The following MCU variants were observed in gnomAD, a reference collection of about 807,000 sequenced individuals.
MCU encodes the protein mitochondrial calcium uniporter, also known as calcium uniporter protein, mitochondrial.
In MCU, 12 loss-of-function variants were observed where a neutral mutation model predicts 45.2. The ratio of observed to expected loss-of-function variants is 0.27; its 90% CI spans 0.17 to 0.43. The LOEUF is 0.43. Ranked by LOEUF, MCU falls within the 20% of genes least tolerant of loss-of-function variation. The pLI is 1.00. For synonymous variants in MCU, 160 were observed against 165.1 expected (o/e 0.97, Z 0.24); for missense variants, 324 against 436.7 (o/e 0.74, Z 2.30).
Position 72,793,531 on chromosome 10 carries a change from A to C in MCU, c.151-40828A>C, listed in dbSNP as rs149306736. Among the ~76,000 whole-genome samples the C allele has an allele frequency of 5.9e-3, 904 of 152,244 alleles. 12 individuals are homozygous for C. The highest frequency in any genetic ancestry group is 0.021 in the African/African-American group (852 of 41,546). The stretch of plus-strand genomic sequence containing the variant: ...ATCAGAATTAGTATCAAAAACAACA[A>C]CCATCATTTTATTATTATCTCTTAA... On this transcript the variant is annotated intron_variant, in intron 1 of 7. Coordinates refer to ENST00000373053, the MANE Select transcript of MCU (RefSeq NM_138357.3).
At chr10:72,741,029 C>CT (rs1170309353) in intron 1 of MCU, among the ~76,000 whole-genome samples, 1 of 150,960 alleles carries the variant, frequency 6.6e-6, no homozygotes, top group Non-Finnish European at 1.5e-5. Flanking sequence ...AATTAACAAT[C>CT]TTTTTTTCTC....
intron 2 of MCU, 62 bp from the exon 3 acceptor site, chr10:72,859,115 A>G: frequency 1.5e-5 from 21 of 1,444,224 alleles, no homozygotes; most frequent in Non-Finnish European, 1.9e-5. Flanking sequence ...GAATGGTAAT[A>G]ATGTGACTTT....
chr10:72,742,022 CAAAAAA>C (rs59028044), intron 1 of MCU, among the ~76,000 whole-genome samples: 1 of 72,866 alleles, frequency 1.4e-5, no homozygotes, highest in South Asian at 6.4e-4. Flanking sequence ...GACTCCGTCT[CAAAAAA>C]AAAAAAAAAA....
At chr10:72,760,792 G>A (rs1327135353) in intron 1 of MCU, 1 of 140,626 alleles carries the variant, frequency 7.1e-6, no homozygotes, top group Non-Finnish European at 1.5e-5. Context: ...GCTCAAGCAA[G>A]TCTCCCACCT....
intron 1 of MCU, among the ~76,000 whole-genome samples, chr10:72,699,527 A>G (rs912349238): frequency 1.3e-5 from 2 of 151,764 alleles, no homozygotes; most frequent in African/African-American, 2.4e-5. Flanking sequence ...AAAAAAAAGA[A>G]CCTTAGTGAT....
chr10:72,718,073 G>A (rs1842976210), intron 1 of MCU, among the ~76,000 whole-genome samples: 1 of 151,986 alleles, frequency 6.6e-6, no homozygotes, highest in Non-Finnish European at 1.5e-5. Context: ...CTTAGTTTTT[G>A]CCTAGTGTTC....
chr10:72,791,374 T>C (rs1289249050), intron 1 of MCU, among the ~76,000 whole-genome samples: 2 of 152,208 alleles, frequency 1.3e-5, no homozygotes, highest in Non-Finnish European at 2.9e-5. Flanking sequence ...TATTCATTAT[T>C]TCACTTCTTT....
chr10:72,803,915 A>G (rs903887030), intron 1 of MCU, among the ~76,000 whole-genome samples: 17 of 148,918 alleles, frequency 1.1e-4, no homozygotes, highest in African/African-American at 4.2e-4. Context: ...TTGTCCCATA[A>G]ATTTACACTT....
intron 1 of MCU, among the ~76,000 whole-genome samples, chr10:72,750,462 G>A (rs1307896830): frequency 3.3e-5 from 5 of 152,156 alleles, no homozygotes; most frequent in Admixed American, 1.3e-4. Context: ...TTTTAAGAGC[G>A]TTGTTCAGTA....
chr10:72,788,450 C>G (rs1224243134), intron 1 of MCU, among the ~76,000 whole-genome samples: 3 of 152,206 alleles, frequency 2.0e-5, no homozygotes, highest in Non-Finnish European at 1.5e-5. Context: ...TATAATGAGA[C>G]CTTGTCTCTA....
At chr10:72,747,924 A>C (rs1843437434) in intron 1 of MCU, among the ~76,000 whole-genome samples, 1 of 151,780 alleles carries the variant, frequency 6.6e-6, no homozygotes, top group South Asian at 2.1e-4. Context: ...GGAAAGAAAC[A>C]AGTAAAATTA....
intron 1 of MCU, among the ~76,000 whole-genome samples, chr10:72,705,990 AAGG>A (rs1842815254): frequency 6.6e-6 from 1 of 152,126 alleles, no homozygotes; most frequent in African/African-American, 2.4e-5. Flanking sequence ...CTCAAAAAAA[AAGG>A]GGGTATATTC....
intron 1 of MCU, among the ~76,000 whole-genome samples, chr10:72,815,929 A>G (rs2132809216): frequency 6.6e-6 from 1 of 152,352 alleles, no homozygotes; most frequent in East Asian, 1.9e-4. Context: ...AGGGAGGTGT[A>G]AATGTTATTC....
At chr10:72,740,929 A>G (rs1267691289) in intron 1 of MCU, among the ~76,000 whole-genome samples, 1 of 152,204 alleles carries the variant, frequency 6.6e-6, no homozygotes, top group Non-Finnish European at 1.5e-5. Flanking sequence ...TTAACGTAAT[A>G]TAGGCTTTTC....
At chr10:72,732,979 T>G (rs1181044767) in intron 1 of MCU, among the ~76,000 whole-genome samples, 1 of 152,216 alleles carries the variant, frequency 6.6e-6, no homozygotes, top group Admixed American at 6.5e-5. Flanking sequence ...TATGCCAGAT[T>G]AATATTAAAT....
chr10:72,736,958 TAA>T (rs1184916436), intron 1 of MCU, among the ~76,000 whole-genome samples: 1 of 152,202 alleles, frequency 6.6e-6, no homozygotes. Flanking sequence ...TTTCAATGTT[TAA>T]AAAAAGTTTA....
intron 1 of MCU, among the ~76,000 whole-genome samples, chr10:72,814,661 A>G (rs183263047): frequency 1.1e-4 from 17 of 152,350 alleles, no homozygotes; most frequent in African/African-American, 4.1e-4. Flanking sequence ...AATACATACT[A>G]TGAAATCTAG....
intron 1 of MCU, among the ~76,000 whole-genome samples, chr10:72,750,457 A>G (rs1228372222): frequency 6.6e-6 from 1 of 152,216 alleles, no homozygotes; most frequent in Admixed American, 6.5e-5. Context: ...TTGATTTTTA[A>G]GAGCGTTGTT....
intron 1 of MCU, among the ~76,000 whole-genome samples, chr10:72,805,543 G>A (rs1032637071): frequency 5.3e-5 from 8 of 151,980 alleles, no homozygotes; most frequent in African/African-American, 1.5e-4. Context: ...CACCTCACCC[G>A]GCTGCCCTAG....
Sources: gnomAD v4.1 joint callset for allele counts (sites outside exome capture counted in the v4.1 genomes callset) on GRCh38, gnomAD v4.1.1 for gene constraint, MANE v1.5 for transcripts, NCBI Gene and HGNC (gene_info 2026-07-23, HGNC 2026-07-21) for gene names.